Variants in PLA2G4F observed in about 807,000 individuals in gnomAD.
PLA2G4F encodes the protein phospholipase A2 group IVF.
PLA2G4F carries 105 observed loss-of-function variants against 103.1 expected under a neutral mutation model. That is an observed-to-expected ratio of 1.02 (90% CI 0.87 to 1.20). The LOEUF (loss-of-function observed/expected upper bound fraction) is 1.20. Ranked by LOEUF, PLA2G4F falls within the 50% of genes most tolerant of loss-of-function variation. PLA2G4F has a pLI of 0.00. For synonymous variants in PLA2G4F, 468 were observed against 441.1 expected (o/e 1.06, Z -0.76); for missense variants, 1,155 against 1,075.9 (o/e 1.07, Z -1.03).
intron 4 of PLA2G4F, 139 bp downstream of exon 4, chr15:42,153,953 T>C: frequency 7.4e-7 from 1 of 1,344,940 alleles, no homozygotes; most frequent in Non-Finnish European, 1.0e-6. Flanking sequence ...AGGGAGACCT[T>C]TATAGGGTCA....
At chr15:42,150,928 C>T in intron 7 of PLA2G4F, 151 bp from the exon 8 acceptor site, 1 of 1,443,520 alleles carries the variant, frequency 6.9e-7, no homozygotes, top group South Asian at 1.5e-5. Context: ...GAGCACTGCT[C>T]ATAGAGAAAG....
At chr15:42,144,360 C>T (rs1384623047) in intron 17 of PLA2G4F, 90 bp downstream of exon 17, 29 of 1,529,944 alleles carry the variant, frequency 1.9e-5, no homozygotes, top group Non-Finnish European at 2.4e-5. Context: ...CACACCTCAA[C>T]CCCCAGCCCA....
rs752282681 is a variant in PLA2G4F at position 42,145,878 on chromosome 15, C to A, written c.1560G>T (p.Glu520Asp). The A allele has an allele frequency of 6.2e-7, 1 of 1,614,090 alleles. No individual in the cohort carries two copies. Among genetic ancestry groups the A allele is most frequent in the South Asian group, 1.1e-5 (1 of 91,084 alleles). Residue 520 changes from glutamate to aspartate, a missense_variant, in exon 15 of 20, where the codon GAG (glutamate) becomes GAT (aspartate). Physicochemically the swap from Glu to Asp is conservative, Grantham distance 45 (BLOSUM62 2). Coordinates refer to ENST00000397272, the MANE Select transcript of PLA2G4F (RefSeq NM_213600.4). ...AAGCCCCGTACTTGGGGAAGCCAAC[C>A]TCATAGGGCGTGAACTCGCACCACT... is the stretch of plus-strand genomic sequence containing the variant. ...FAEWCEFTPYEVGFPKYGAYV... is the reference protein window; with the variant it reads ...FAEWCEFTPYDVGFPKYGAYV...
In PLA2G4F at chr15:42,145,659, T is replaced by C. The variant is rs774903913; in HGVS notation, c.1696A>G (p.Thr566Ala). Residue 566 changes from threonine (T) to alanine (A), a missense_variant, in exon 16 of 20, where the codon ACC becomes GCC. By Grantham distance (58) the Thr-to-Ala change is moderately conservative (BLOSUM62 0). Around this residue, in one of 3 missense-constraint regions of PLA2G4F, gnomAD observed 782 missense variants for 692.9 expected, o/e 1.13. Coordinates refer to ENST00000397272, the MANE Select transcript of PLA2G4F (RefSeq NM_213600.4). ...LQGMWGSAFA[T>A]SLDEIFLKTA... is the part of the protein sequence containing the mutation. The stretch of plus-strand genomic sequence containing the variant: ...TTTAGGAAGATCTCATCCAGGCTGG[T>C]GGCAAAGGCGCTGCCCCACATACCT... 9 of 1,613,980 alleles carry C rather than the reference T, an allele frequency of 5.6e-6. No individual in the cohort carries two copies. In the Middle Eastern group the frequency reaches 6.6e-4, roughly 118 times the overall value.
Position 42,142,639 on chromosome 15 carries a change from T to G in PLA2G4F, c.2218A>C (p.Met740Leu), listed in dbSNP as rs1356410. The G allele has an allele frequency of 6.2e-7, 1 of 1,613,750 alleles. No homozygotes were observed. Among genetic ancestry groups the G allele is most frequent in the Admixed American group, 1.7e-5 (1 of 59,990 alleles). Residue 740 changes from methionine (M) to leucine (L), a missense_variant, in exon 19 of 20, where the codon ATG becomes CTG. By Grantham distance (15) the Met-to-Leu change is conservative. This residue lies in a region of PLA2G4F where 782 missense variants were observed against 692.9 expected (regional missense o/e 1.13). Transcript: ENST00000397272. ...AGATAGCACTCACGGGCCTCCTCCA[T>G]GTCCTCAGGGCCCACCTCGATGCTA... ...FPSIEVGPED[M>L]EEARECYLFA... is the part of the protein sequence containing the mutation.
In PLA2G4F at chr15:42,142,681, G is replaced by A. The variant is rs754971082; in HGVS notation, c.2176C>T (p.Arg726Ter). 50 of 1,614,056 alleles carry A rather than the reference G, an allele frequency of 3.1e-5. No homozygotes were observed. The highest frequency in any genetic ancestry group is 3.3e-4 in the Middle Eastern group (2 of 6,062). ...TCGATGCTAGGGAAGGGGATTCCTCGGTCCAGGCAGTACTTCTCTGTCATC... is the reference window on the plus strand; with the variant it reads ...TCGATGCTAGGGAAGGGGATTCCTCAGTCCAGGCAGTACTTCTCTGTCATC... ...LKMTEKYCLDRGIPFPSIEVG... is the reference protein window; with the variant it reads ...LKMTEKYCLD Residue 726 changes from arginine to a stop codon, truncating the protein, a stop_gained, in exon 19 of 20, where the codon CGA becomes TGA. Coordinates refer to ENST00000397272, the MANE Select transcript of PLA2G4F (RefSeq NM_213600.4). LOFTEE classifies it high-confidence loss of function.
At chr15:42,146,923 C>A (rs1308478298) in intron 13 of PLA2G4F, 2 of 586,298 alleles carry the variant, frequency 3.4e-6, no homozygotes, top group Non-Finnish European at 3.0e-6. Context: ...GCGGACCAGG[C>A]TCCTCCTCCC....
At chr15:42,145,414 G>A (rs2048871242) in intron 16 of PLA2G4F, among the ~76,000 whole-genome samples, 161 bp downstream of exon 16, 1 of 152,024 alleles carries the variant, frequency 6.6e-6, no homozygotes, top group Non-Finnish European at 1.5e-5. Context: ...CATACCTCTG[G>A]GCATCTAGAC....
chr15:42,142,777 A>G, intron 18 of PLA2G4F, 63 bp from the exon 19 acceptor site: 2 of 1,539,398 alleles, frequency 1.3e-6, no homozygotes, highest in East Asian at 2.3e-5. Context: ...GCCGCCCTGG[A>G]CTCACACACG....
Position 42,153,635 on chromosome 15 carries a change from A to G in PLA2G4F, c.476T>C (p.Phe159Ser). ...HQDSQELQVE[F>S]VLEKSQVPAS... ...CAGAACTCACCTCTTCTCCAGAACAAATTCCACCTGCAGCTCTTGTGAATC... is the reference window on the plus strand; with the variant it reads ...CAGAACTCACCTCTTCTCCAGAACAGATTCCACCTGCAGCTCTTGTGAATC... Residue 159 changes from phenylalanine to serine, a missense_variant, in exon 5 of 20, where the codon TTT becomes TCT. By Grantham distance (155) the Phe-to-Ser change is radical. Transcript: ENST00000397272. 1 of 1,614,158 alleles carries G rather than the reference A, an allele frequency of 6.2e-7. No individual in the cohort carries two copies. Among genetic ancestry groups the G allele is most frequent in the South Asian group, 1.1e-5 (1 of 91,074 alleles).
At chr15:42,149,573 T>C (rs2048931490) in intron 11 of PLA2G4F, 140 bp downstream of exon 11, 2 of 1,449,430 alleles carry the variant, frequency 1.4e-6, no homozygotes, top group African/African-American at 2.8e-5. Flanking sequence ...TATGGGGTCC[T>C]AGCTCTGCCG....
In PLA2G4F at chr15:42,147,176, ACG is replaced by A. The variant is rs1190675697; in HGVS notation, c.1365_1366del (p.Ser457ProfsTer10). Reference sequence around the variant, plus strand: ...GAGGCCCCAGAGGTCGATGAGGGACACGCTGTGGCCACTGCGCTCCCGGACCC... The same window carrying A: ...GAGGCCCCAGAGGTCGATGAGGGACACTGTGGCCACTGCGCTCCCGGACCC... On this transcript the variant is annotated frameshift_variant, in exon 13 of 20. Coordinates refer to ENST00000397272, the MANE Select transcript of PLA2G4F (RefSeq NM_213600.4). LOFTEE classifies it high-confidence loss of function. 1.2e-6 allele frequency: 2 copies of A among 1,613,044 alleles called. No homozygotes were observed. The highest frequency in any genetic ancestry group is 1.7e-6 in the Non-Finnish European group (2 of 1,179,958).
rs2048881212 is a variant in PLA2G4F, at chr15:42,146,036, C to T, written c.1534+91G>A. On this transcript the variant is annotated intron_variant, in intron 14 of 19. Transcript: ENST00000397272. ...TGTGCTCCAAGGTGCCTGTGTGCAA[C>T]CACCTCCTCTGGGTACCCTGATCAC... 4.4e-6 allele frequency: 7 copies of T among 1,576,402 alleles called. No individual in the cohort carries two copies. In the East Asian group the frequency reaches 1.6e-4, roughly 35 times the overall value.
chr15:42,142,700 T>C lies in PLA2G4F; in HGVS notation c.2157A>G (p.Thr719=). ...TTCCTCGGTCCAGGCAGTACTTCTC[T>C]GTCATCTTCAAGACCTGAGCAGGAG... ...LEAPFEVLKM[T]EKYCLDRGIP... is the part of the protein sequence containing the mutation. The change falls in exon 19 of 20, where the codon ACA becomes ACG. Residue 719 remains threonine, a synonymous_variant. Coordinates refer to ENST00000397272, the MANE Select transcript of PLA2G4F (RefSeq NM_213600.4). 1 of 1,614,102 alleles carries C rather than the reference T, an allele frequency of 6.2e-7. No homozygotes were observed. The highest frequency in any genetic ancestry group is 1.1e-5 in the South Asian group (1 of 91,072).
intron 9 of PLA2G4F, 28 bp downstream of exon 9, chr15:42,150,345 T>A (rs368286762): frequency 5.4e-5 from 85 of 1,578,410 alleles, no homozygotes; most frequent in Non-Finnish European, 6.5e-5. Flanking sequence ...CAGGCAGGGG[T>A]CCCTCTGGCA....
chr15:42,151,633 C>T lies in PLA2G4F; in HGVS notation c.602-856G>A, dbSNP rs571497726. The T allele has an allele frequency of 7.9e-4, 783 of 985,248 alleles. 5 individuals are homozygous for T. The highest frequency in any genetic ancestry group is 4.2e-3 in the Middle Eastern group (8 of 1,914). The allele number at this position is 985,248 out of a possible 1,614,324, so 61.0% of individuals were successfully genotyped here. On this transcript the variant is annotated intron_variant, in intron 7 of 19. Transcript: ENST00000397272. ...GCCCCTCCTTGCACTAGATGAGGCCCGGAGACTCGACATGACCAAGTGTGG... is the reference window on the plus strand; with the variant it reads ...GCCCCTCCTTGCACTAGATGAGGCCTGGAGACTCGACATGACCAAGTGTGG...
At chr15:42,143,404 G>A (rs1056496594) in intron 18 of PLA2G4F, among the ~76,000 whole-genome samples, 9 of 152,090 alleles carry the variant, frequency 5.9e-5, no homozygotes, top group African/African-American at 1.4e-4. Flanking sequence ...GAAGGTCCAC[G>A]TCAGAAGAGG....
chr15:42,147,349 G>A lies in PLA2G4F; in HGVS notation c.1197-3C>T. 6.2e-7 allele frequency: 1 copy of A among 1,603,334 alleles called. No individual in the cohort carries two copies. Among genetic ancestry groups the A allele is most frequent in the Non-Finnish European group, 8.5e-7 (1 of 1,178,938 alleles). On this transcript the variant is annotated splice_region_variant and splice_polypyrimidine_tract_variant and intron_variant, in intron 12 of 19. Transcript: ENST00000397272. The stretch of plus-strand genomic sequence containing the variant: ...CCCTGTAGAGTGTGGAGATGCACCT[G>A]GGGATTGGAGGTGTGCCTGAGTCAG...
intron 2 of PLA2G4F, among the ~76,000 whole-genome samples, chr15:42,155,132 CACAT>C (rs1485930145): frequency 1.3e-5 from 2 of 152,040 alleles, no homozygotes; most frequent in Admixed American, 6.6e-5. Flanking sequence ...CACTCGCACT[CACAT>C]ATATACACTT....
Sources: allele counts gnomAD v4.1 joint callset (sites outside exome capture counted in the v4.1 genomes callset), GRCh38; gene constraint gnomAD v4.1.1; regional missense constraint gnomAD v4.1.1; transcripts MANE v1.5; gene names NCBI Gene and HGNC (gene_info 2026-07-23, HGNC 2026-07-21).